Variants in LPP observed in about 807,000 individuals in gnomAD.
The protein encoded by LPP is lipoma-preferred partner.
LPP carries 38 observed loss-of-function variants against 60.4 expected under a neutral mutation model. The ratio of observed to expected loss-of-function variants is 0.63; its 90% CI spans 0.49 to 0.83. The LOEUF (loss-of-function observed/expected upper bound fraction) is 0.83. LPP is among the 40% of genes least tolerant of loss of function. The pLI is 0.00. For missense variants in LPP, 902 were observed against 783.6 expected, an observed-to-expected ratio of 1.15 and a Z score of -1.80; for synonymous variants, 328 against 290.8, an observed-to-expected ratio of 1.13 and a Z score of -1.30.
chr3:188,834,335 T>TG (rs1300793892), intron 9 of LPP, among the ~76,000 whole-genome samples: 2 of 146,122 alleles, frequency 1.4e-5, no homozygotes, highest in East Asian at 4.1e-4. Flanking sequence ...TTTTTTTTTT[T>TG]TTTTTTTTTT....
chr3:188,797,135 C>CTCCTCCTCT (rs1175438782), intron 9 of LPP, among the ~76,000 whole-genome samples: 31 of 151,988 alleles, frequency 2.0e-4, no homozygotes, highest in Non-Finnish European at 3.1e-4. Context: ...CCTCCTCCTC[C>CTCCTCCTCT]TCCTCTTCCT....
chr3:188,809,468 CATAA>C (rs1051431599), intron 9 of LPP, among the ~76,000 whole-genome samples: 7 of 152,120 alleles, frequency 4.6e-5, no homozygotes, highest in Non-Finnish European at 8.8e-5. Context: ...TTGTTGACTA[CATAA>C]ATGTCTTCTT....
chr3:188,474,538 G>T (rs573824148), intron 4 of LPP, among the ~76,000 whole-genome samples: 2 of 152,326 alleles, frequency 1.3e-5, no homozygotes, highest in South Asian at 4.1e-4. Flanking sequence ...TCTTTGGAGG[G>T]GTTGTAAGCT....
chr3:188,722,841 G>A (rs1034246768), intron 8 of LPP, among the ~76,000 whole-genome samples: 2 of 152,168 alleles, frequency 1.3e-5, no homozygotes, highest in Non-Finnish European at 2.9e-5. Flanking sequence ...TTTAAGAGGT[G>A]TTAGTATCTC....
intron 9 of LPP, among the ~76,000 whole-genome samples, chr3:188,786,539 C>A (rs950627047): frequency 9.2e-5 from 14 of 152,024 alleles, no homozygotes; most frequent in Admixed American, 7.2e-4. Flanking sequence ...AAAACTAATC[C>A]TGCAACTACC....
intron 6 of LPP, among the ~76,000 whole-genome samples, chr3:188,577,224 T>C (rs1834822780): frequency 6.6e-6 from 1 of 152,212 alleles, no homozygotes. Flanking sequence ...TGTAGGGCTT[T>C]GGATTTAAAA....
chr3:188,579,345 A>T (rs1443019743), intron 6 of LPP, among the ~76,000 whole-genome samples: 2 of 152,208 alleles, frequency 1.3e-5, no homozygotes, highest in Non-Finnish European at 2.9e-5. Context: ...GACATTCTAG[A>T]CTGGGTTCCA....
Position 188,882,943 on chromosome 3 carries a change from T to G in LPP, c.*8464T>G, listed in dbSNP as rs531843412. On this transcript the variant is annotated 3_prime_UTR_variant, in exon 12 of 12. Transcript: ENST00000617246. ...TTTTAGTAGAGACGGGGTTTCACCG[T>G]GGTCTCGATCTCCTGACCTCGTGAT... 1.6e-5 allele frequency: 3 copies of G among 184,226 alleles called. No individual in the cohort carries two copies. Among genetic ancestry groups the G allele is most frequent in the Non-Finnish European group, 3.5e-5 (3 of 86,946 alleles). The allele number at this position is 184,226 out of a possible 1,614,324, so 11.4% of individuals were successfully genotyped here. A position where few individuals can be genotyped will look rare whatever the true frequency, so the allele number is the denominator to read the frequency against.
intron 7 of LPP, among the ~76,000 whole-genome samples, chr3:188,700,017 C>A (rs989997437): frequency 3.3e-5 from 5 of 151,938 alleles, no homozygotes; most frequent in African/African-American, 9.7e-5. Flanking sequence ...GCTAATTCTA[C>A]CTTTTGAAAA....
intron 8 of LPP, among the ~76,000 whole-genome samples, chr3:188,742,758 A>T (rs1011256709): frequency 1.3e-5 from 2 of 152,156 alleles, no homozygotes; most frequent in Non-Finnish European, 2.9e-5. Flanking sequence ...AAAGTCTTAT[A>T]AATGTATTGA....
At chr3:188,412,915 TCTA>T (rs1785229138) in intron 4 of LPP, among the ~76,000 whole-genome samples, 2 of 152,180 alleles carry the variant, frequency 1.3e-5, no homozygotes, top group African/African-American at 2.4e-5. Flanking sequence ...TGATTGCTAA[TCTA>T]CCCATGAGTT....
chr3:188,525,417 TA>T (rs1820333303), intron 6 of LPP, among the ~76,000 whole-genome samples: 1 of 152,216 alleles, frequency 6.6e-6, no homozygotes, highest in African/African-American at 2.4e-5. Flanking sequence ...AAATGTTATA[TA>T]AAAAAGTAAA....
chr3:188,801,187 A>G (rs1334594586), intron 9 of LPP, among the ~76,000 whole-genome samples: 3 of 152,154 alleles, frequency 2.0e-5, no homozygotes. Flanking sequence ...AGAGCCCTAG[A>G]TTTTGTCATA....
At chr3:188,593,147 A>G (rs1175091324) in intron 6 of LPP, among the ~76,000 whole-genome samples, 1 of 101,388 alleles carries the variant, frequency 9.9e-6, no homozygotes, top group Non-Finnish European at 2.0e-5. Flanking sequence ...TACACCTCTG[A>G]TGCCTGGTGT....
intron 6 of LPP, among the ~76,000 whole-genome samples, chr3:188,544,125 A>G (rs1825920093): frequency 6.6e-6 from 1 of 152,208 alleles, no homozygotes; most frequent in African/African-American, 2.4e-5. Flanking sequence ...TTTCTCAAGG[A>G]GTCCAAAGCA....
intron 6 of LPP, among the ~76,000 whole-genome samples, chr3:188,603,352 T>TG (rs1459311141): frequency 6.6e-5 from 2 of 30,280 alleles, no homozygotes; most frequent in Non-Finnish European, 1.2e-4. Flanking sequence ...ATTTTGTGGT[T>TG]TTTTTTTTTT....
At chr3:188,549,171 T>C (rs1203400368) in intron 6 of LPP, among the ~76,000 whole-genome samples, 1 of 152,244 alleles carries the variant, frequency 6.6e-6, no homozygotes, top group African/African-American at 2.4e-5. Context: ...CAGTTTCTCA[T>C]GTAAGCTGGA....
chr3:188,230,702 G>A (rs1281528171), intron 2 of LPP, among the ~76,000 whole-genome samples: 4 of 151,680 alleles, frequency 2.6e-5, no homozygotes, highest in African/African-American at 7.3e-5. Context: ...GAACCCAGGA[G>A]GCGGAGGTTG....
chr3:188,637,451 G>C (rs1003840928), intron 7 of LPP, among the ~76,000 whole-genome samples: 1 of 151,414 alleles, frequency 6.6e-6, no homozygotes, highest in Non-Finnish European at 1.5e-5. Context: ...ACAATTAAAA[G>C]AACTAGAAAA....
Sources: allele counts gnomAD v4.1 joint callset (sites outside exome capture counted in the v4.1 genomes callset), GRCh38; gene constraint gnomAD v4.1.1; transcripts MANE v1.5; gene names NCBI Gene and HGNC (gene_info 2026-07-23, HGNC 2026-07-21).